Variants in TANC2 observed in about 807,000 individuals in gnomAD.
TANC2 encodes the protein protein TANC2.
Under a neutral mutation model 210.5 loss-of-function variants are expected in TANC2, and 26 were observed. That is an observed-to-expected ratio of 0.12 (90% confidence interval 0.09 to 0.17). The LOEUF (loss-of-function observed/expected upper bound fraction) is 0.17. TANC2 is among the 10% of genes least tolerant of loss of function. TANC2 has a pLI of 1.00. For synonymous variants in TANC2, 931 were observed against 967.1 expected (o/e 0.96, Z 0.69); for missense variants, 2,129 against 2,608.9 (o/e 0.82, Z 4.01).
intron 6 of TANC2, among the ~76,000 whole-genome samples, chr17:63,197,002 A>C (rs2041366936): frequency 6.6e-6 from 1 of 152,208 alleles, no homozygotes; most frequent in Non-Finnish European, 1.5e-5. Flanking sequence ...GTGAAATAAT[A>C]ACACCTGACA....
chr17:63,008,974 A>T (rs548851538), intron 1 of TANC2, among the ~76,000 whole-genome samples: 1 of 152,284 alleles, frequency 6.6e-6, no homozygotes, highest in South Asian at 2.1e-4. Flanking sequence ...CTGCATCCTC[A>T]GTGATATCTA....
In TANC2 at chr17:63,421,622, G is replaced by A. The variant is rs138798097; in HGVS notation, c.5892G>A (p.Thr1964=). 146 of 1,614,016 alleles carry A rather than the reference G, an allele frequency of 9.0e-5. No homozygotes were observed. In the African/African-American group the frequency reaches 1.3e-3, roughly 15 times the overall value. Reference sequence around the variant, plus strand: ...CTGTGGACACCGTCCTCAGTCCCACGTCTCCAGGCAACCTGCCTCAGCCTG... The same window carrying A: ...CTGTGGACACCGTCCTCAGTCCCACATCTCCAGGCAACCTGCCTCAGCCTG... Residue 1964 remains threonine, a synonymous_variant, in exon 28 of 28, where the codon ACG becomes ACA. Transcript: ENST00000689528. This position sits in a 1 kb window ranked among gnomAD's most constrained non-coding sequence, Gnocchi z 6.9.
chr17:63,042,843 G>A (rs1215155244), intron 2 of TANC2, among the ~76,000 whole-genome samples: 1 of 151,994 alleles, frequency 6.6e-6, no homozygotes, highest in Non-Finnish European at 1.5e-5. Flanking sequence ...TGAGAGCTAA[G>A]TTTCTGGGAG....
At chr17:63,106,298 C>T (rs138949946) in intron 4 of TANC2, among the ~76,000 whole-genome samples, 1,747 of 151,696 alleles carry the variant, frequency 0.012, 29 homozygotes, top group Non-Finnish European at 0.016. Flanking sequence ...GTGGTAAAAA[C>T]AGATTTTAGT....
intron 2 of TANC2, among the ~76,000 whole-genome samples, chr17:63,017,254 C>T (rs546596003): frequency 6.6e-6 from 1 of 152,092 alleles, no homozygotes; most frequent in Admixed American, 6.6e-5. Flanking sequence ...CATTCATGTT[C>T]CTGGTTCATA....
At position 63,213,325 on chromosome 17, in the gene TANC2, G is replaced by A. The variant is rs182590065; in HGVS notation, c.769+12368G>A. ...GACACACAAAGAAAACACCACAAAAGGCAAGGAATTAAATAACAGACACTT... is the reference window on the plus strand; with the variant it reads ...GACACACAAAGAAAACACCACAAAAAGCAAGGAATTAAATAACAGACACTT... On this transcript the variant is annotated intron_variant, in intron 7 of 27. Coordinates refer to ENST00000689528, the Ensembl canonical transcript of TANC2. 3.6e-3 allele frequency among the ~76,000 whole-genome samples: 553 copies of A among 152,252 alleles called. 5 individuals are homozygous for A. Among genetic ancestry groups the A allele is most frequent in the Non-Finnish European group, 6.0e-3 (406 of 68,016 alleles).
intron 13 of TANC2, among the ~76,000 whole-genome samples, chr17:63,351,694 G>A (rs2046615367): frequency 6.6e-6 from 1 of 152,086 alleles, no homozygotes; most frequent in Admixed American, 6.5e-5. Flanking sequence ...AGACTGTTCT[G>A]AGGACAGCAG....
intron 2 of TANC2, among the ~76,000 whole-genome samples, chr17:63,032,682 G>A (rs1343421363): frequency 6.6e-6 from 1 of 152,154 alleles, no homozygotes; most frequent in African/African-American, 2.4e-5. Flanking sequence ...AGCTACTGGA[G>A]ATACAGCAGT....
At chr17:63,044,073 T>C (rs970395536) in intron 2 of TANC2, among the ~76,000 whole-genome samples, 1 of 152,188 alleles carries the variant, frequency 6.6e-6, no homozygotes, top group Non-Finnish European at 1.5e-5. Context: ...TATTTTGCGT[T>C]AAGAATGAAT....
At chr17:63,414,537 A>G (rs894808561) in intron 25 of TANC2, among the ~76,000 whole-genome samples, 2 of 152,180 alleles carry the variant, frequency 1.3e-5, no homozygotes, top group South Asian at 2.1e-4. Context: ...GGACTTCACA[A>G]TGGCATTACT....
intron 7 of TANC2, among the ~76,000 whole-genome samples, chr17:63,230,828 TTC>T (rs1435236435): frequency 1.3e-5 from 2 of 152,220 alleles, no homozygotes; most frequent in Non-Finnish European, 2.9e-5. Flanking sequence ...TCTGTTAATT[TTC>T]TGTCTTGATT....
At chr17:62,993,776 A>G (rs2032980482) in intron 1 of TANC2, among the ~76,000 whole-genome samples, 1 of 152,152 alleles carries the variant, frequency 6.6e-6, no homozygotes, top group South Asian at 2.1e-4. Context: ...AAGAAAAATA[A>G]AAAAAAATTA....
At chr17:63,330,080 A>T (rs1332351984) in intron 11 of TANC2, among the ~76,000 whole-genome samples, 2 of 152,240 alleles carry the variant, frequency 1.3e-5, no homozygotes, top group African/African-American at 4.8e-5. Flanking sequence ...GCTGATACAG[A>T]GAAAATTTTA....
At chr17:63,060,786 T>C (rs910056580) in intron 2 of TANC2, among the ~76,000 whole-genome samples, 2 of 152,222 alleles carry the variant, frequency 1.3e-5, no homozygotes, top group East Asian at 3.8e-4. Flanking sequence ...AGTTTTTACA[T>C]GTTGATAGCA....
At chr17:63,368,735 A>G (rs2047179812) in intron 14 of TANC2, among the ~76,000 whole-genome samples, 1 of 152,226 alleles carries the variant, frequency 6.6e-6, no homozygotes, top group African/African-American at 2.4e-5. Context: ...CAATTCCCAT[A>G]AGTTAAAAAC....
At chr17:63,000,845 A>G (rs189142170) in intron 1 of TANC2, among the ~76,000 whole-genome samples, 10 of 152,130 alleles carry the variant, frequency 6.6e-5, no homozygotes, top group Admixed American at 1.3e-4. Context: ...TTTTATTATG[A>G]TCAGTTTTCT....
At chr17:63,314,814 G>T in intron 10 of TANC2, 145 bp downstream of exon 10, 1 of 1,066,794 alleles carries the variant, frequency 9.4e-7, no homozygotes, top group African/African-American at 1.6e-5. Flanking sequence ...TTGAGAGAAA[G>T]ATTGTAATAC....
chr17:62,980,136 A>G (rs544921668), intron 1 of TANC2, among the ~76,000 whole-genome samples: 1 of 152,284 alleles, frequency 6.6e-6, no homozygotes, highest in South Asian at 2.1e-4. Flanking sequence ...TCTCTAAACA[A>G]TACCTTGATT....
intron 2 of TANC2, among the ~76,000 whole-genome samples, chr17:63,013,464 A>G (rs1264836615): frequency 5.9e-5 from 9 of 152,020 alleles, no homozygotes; most frequent in African/African-American, 2.2e-4. Flanking sequence ...TCATTGAAAA[A>G]AATCTTTATA....
Sources: gnomAD v4.1 joint callset for allele counts (sites outside exome capture counted in the v4.1 genomes callset) on GRCh38, gnomAD v4.1.1 for gene constraint, Gnocchi (gnomAD v3.1) non-coding constraint, MANE v1.5 for transcripts, NCBI Gene and HGNC (gene_info 2026-07-23, HGNC 2026-07-21) for gene names.